Variants in MACROD2 observed in about 807,000 individuals in gnomAD.
MACROD2 encodes mono-ADP ribosylhydrolase 2.
In MACROD2, 36 loss-of-function variants were observed where a neutral mutation model predicts 70.4. The observed-to-expected ratio is 0.51, with a 90% CI of 0.39 to 0.68. The LOEUF is 0.68. Among genes scored for constraint, MACROD2 ranks in the 30% least tolerant of loss-of-function variants. The pLI is 0.00. For synonymous variants in MACROD2, 172 were observed against 178.8 expected (o/e 0.96, Z 0.30); for missense variants, 496 against 538.4 (o/e 0.92, Z 0.78).
At position 14,471,027 on chromosome 20, in the gene MACROD2, G is replaced by A. The variant is rs1004796893; in HGVS notation, c.272-22452G>A. ...TTCCCAAAAGGCCGCCCAGTTTTGT[G>A]CTTGAAACCCAGGGCCCTGGTGGTG... On this transcript the variant is annotated intron_variant, in intron 3 of 17. Coordinates refer to ENST00000684519, the MANE Select transcript of MACROD2 (RefSeq NM_001351661.2). 2.0e-5 allele frequency among the ~76,000 whole-genome samples: 3 copies of A among 152,196 alleles called. No homozygotes were observed. In the East Asian group the frequency reaches 5.8e-4, roughly 29 times the overall value.
intron 13 of MACROD2, among the ~76,000 whole-genome samples, chr20:15,973,631 G>T (rs1027838661): frequency 2.6e-5 from 4 of 152,070 alleles, no homozygotes; most frequent in African/African-American, 9.7e-5. Context: ...ACAAGCAAAT[G>T]CTTATAACAG....
At chr20:16,014,485 G>A (rs182889724) in intron 15 of MACROD2, among the ~76,000 whole-genome samples, 8 of 152,340 alleles carry the variant, frequency 5.3e-5, no homozygotes, top group Non-Finnish European at 5.9e-5. Flanking sequence ...GTCCTATGTG[G>A]ATTTGCAGAT....
chr20:15,103,488 G>A (rs1049741233), intron 5 of MACROD2, among the ~76,000 whole-genome samples: 2 of 152,130 alleles, frequency 1.3e-5, no homozygotes, highest in Non-Finnish European at 2.9e-5. Context: ...CCAAGTCACA[G>A]GGAAGGAGGT....
At chr20:14,593,907 G>A (rs1249975488) in intron 4 of MACROD2, among the ~76,000 whole-genome samples, 1 of 152,146 alleles carries the variant, frequency 6.6e-6, no homozygotes, top group Non-Finnish European at 1.5e-5. Context: ...CTGATTGTCA[G>A]GTGATTTTTC....
At chr20:14,553,588 A>G (rs1183491606) in intron 4 of MACROD2, among the ~76,000 whole-genome samples, 2 of 152,098 alleles carry the variant, frequency 1.3e-5, no homozygotes, top group Admixed American at 6.6e-5. Context: ...TTACATCAGT[A>G]TCATTCATTG....
intron 5 of MACROD2, among the ~76,000 whole-genome samples, chr20:14,793,720 TCCA>T (rs1225092299): frequency 6.6e-6 from 1 of 151,912 alleles, no homozygotes; most frequent in Non-Finnish European, 1.5e-5. Context: ...GGCTGAGACC[TCCA>T]CCCAGCTGGG....
intron 6 of MACROD2, among the ~76,000 whole-genome samples, chr20:15,275,394 A>G (rs1252038824): frequency 1.3e-5 from 2 of 152,224 alleles, no homozygotes; most frequent in Non-Finnish European, 2.9e-5. Flanking sequence ...GGTAATTAGT[A>G]TTAACATTAT....
At chr20:15,857,457 C>T (rs1392764062) in intron 8 of MACROD2, among the ~76,000 whole-genome samples, 1 of 152,210 alleles carries the variant, frequency 6.6e-6, no homozygotes, top group Non-Finnish European at 1.5e-5. Flanking sequence ...AGTGCTCTTG[C>T]TGCAGAACTT....
At chr20:14,818,895 A>G (rs112343419) in intron 5 of MACROD2, among the ~76,000 whole-genome samples, 90 of 124,492 alleles carry the variant, frequency 7.2e-4, no homozygotes, top group African/African-American at 2.7e-3. Context: ...AATGATAGCT[A>G]TGGTTACTGT....
intron 8 of MACROD2, among the ~76,000 whole-genome samples, chr20:15,809,466 A>C (rs750859506): frequency 6.6e-6 from 1 of 152,234 alleles, no homozygotes; most frequent in Non-Finnish European, 1.5e-5. Context: ...GGAGGACCTC[A>C]GGCTGCTTCT....
chr20:14,498,187 A>G lies in MACROD2; in HGVS notation c.301+4679A>G, dbSNP rs562080588. 3.3e-5 allele frequency among the ~76,000 whole-genome samples: 5 copies of G among 151,934 alleles called. No homozygotes were observed. In the South Asian group the frequency reaches 8.3e-4, roughly 25 times the overall value. ...TTCATGCTTGAAAAGGAATAAAATT[A>G]TAACCTGGGTGATAGGTGATAGGTG... On this transcript the variant is annotated intron_variant, in intron 4 of 17. Coordinates refer to ENST00000684519, the MANE Select transcript of MACROD2 (RefSeq NM_001351661.2).
intron 8 of MACROD2, among the ~76,000 whole-genome samples, chr20:15,706,145 T>G (rs1386566495): frequency 6.6e-6 from 1 of 152,240 alleles, no homozygotes; most frequent in Non-Finnish European, 1.5e-5. Flanking sequence ...ATAAGGATAC[T>G]TATCTCGTTT....
chr20:15,356,254 C>G (rs2146234854), intron 6 of MACROD2, among the ~76,000 whole-genome samples: 2 of 152,136 alleles, frequency 1.3e-5, no homozygotes, highest in East Asian at 3.9e-4. Context: ...AATAATAGTG[C>G]TTCCTTCACA....
chr20:14,981,452 A>ATATATATATG (rs1483652688), intron 5 of MACROD2, among the ~76,000 whole-genome samples: 4 of 140,176 alleles, frequency 2.9e-5, no homozygotes, highest in African/African-American at 1.1e-4. Flanking sequence ...ATATATATAT[A>ATATATATATG]TGTGTGTGTG....
chr20:14,014,310 TA>T (rs1170846496), intron 2 of MACROD2, among the ~76,000 whole-genome samples: 1 of 151,868 alleles, frequency 6.6e-6, no homozygotes, highest in Non-Finnish European at 1.5e-5. Flanking sequence ...AGTTTATTTT[TA>T]AGTTGACAGA....
At chr20:14,853,881 G>T (rs2073225654) in intron 5 of MACROD2, among the ~76,000 whole-genome samples, 1 of 152,052 alleles carries the variant, frequency 6.6e-6, no homozygotes, top group East Asian at 1.9e-4. Flanking sequence ...TGAGTAATAA[G>T]GAAATGTAAG....
intron 7 of MACROD2, among the ~76,000 whole-genome samples, chr20:15,443,754 TA>T (rs2046526127): frequency 6.6e-6 from 1 of 152,102 alleles, no homozygotes; most frequent in Admixed American, 6.6e-5. Context: ...GTTTCATGGC[TA>T]AAAAATACAT....
intron 5 of MACROD2, among the ~76,000 whole-genome samples, chr20:15,044,753 T>G (rs1422751872): frequency 6.6e-6 from 1 of 152,192 alleles, no homozygotes; most frequent in Non-Finnish European, 1.5e-5. Flanking sequence ...TGTCACTAGC[T>G]CTGGGGGTTG....
chr20:15,383,404 A>G (rs149657603), intron 6 of MACROD2, among the ~76,000 whole-genome samples: 199 of 152,334 alleles, frequency 1.3e-3, no homozygotes, highest in Non-Finnish European at 1.3e-3. Flanking sequence ...GCATGACTCA[A>G]GTGGGTCAAA....
Sources: gnomAD v4.1 joint callset for allele counts (sites outside exome capture counted in the v4.1 genomes callset) on GRCh38, gnomAD v4.1.1 for gene constraint, MANE v1.5 for transcripts, NCBI Gene and HGNC (gene_info 2026-07-23, HGNC 2026-07-21) for gene names.